The following HSF2BP variants were observed in gnomAD, a reference collection of about 807,000 sequenced individuals.
HSF2BP encodes the protein heat shock factor 2-binding protein.
HSF2BP carries 35 observed loss-of-function variants against 35.0 expected under a neutral mutation model. That is an observed-to-expected ratio of 1.00 (90% CI 0.76 to 1.32). The LOEUF (loss-of-function observed/expected upper bound fraction) is 1.32. Among genes scored for constraint, HSF2BP ranks in the 40% most tolerant of loss-of-function variants. HSF2BP has a pLI of 0.00. For synonymous variants in HSF2BP, 114 were observed against 117.4 expected (o/e 0.97, Z 0.18); for missense variants, 326 against 321.7 (o/e 1.01, Z -0.10).
In HSF2BP at chr21:43,619,530, ACT is replaced by A. The variant is rs1278482748; in HGVS notation, c.575-5585_575-5584del. Among the ~76,000 whole-genome samples, 4 of 152,122 alleles carry A rather than the reference ACT, an allele frequency of 2.6e-5. No individual in the cohort carries two copies. In the East Asian group the frequency reaches 5.8e-4, roughly 22 times the overall value. On this transcript the variant is annotated intron_variant, in intron 6 of 8. Coordinates refer to ENST00000291560, the MANE Select transcript of HSF2BP (RefSeq NM_007031.2). ...CTCACGGCAACAGACAAGTGAAAAA[ACT>A]CTGAACAGACAGTAAGACAACTGGA... is the stretch of plus-strand genomic sequence containing the variant.
chr21:43,579,822 C>G (rs2081699872), intron 8 of HSF2BP, among the ~76,000 whole-genome samples: 1 of 152,234 alleles, frequency 6.6e-6, no homozygotes, highest in Non-Finnish European at 1.5e-5. Context: ...TTCTGTCCCT[C>G]TTTTTAAAAT....
At chr21:43,595,153 T>C (rs753698464) in intron 7 of HSF2BP, among the ~76,000 whole-genome samples, 4 of 152,018 alleles carry the variant, frequency 2.6e-5, no homozygotes, top group Non-Finnish European at 4.4e-5. Context: ...TCCCAACTAC[T>C]AGAGAGGCTG....
At chr21:43,606,155 T>A (rs567185353) in intron 7 of HSF2BP, among the ~76,000 whole-genome samples, 1 of 152,014 alleles carries the variant, frequency 6.6e-6, no homozygotes, top group Middle Eastern at 3.4e-3. Flanking sequence ...GCCGTGAGGA[T>A]CACACCCGAG....
intron 8 of HSF2BP, among the ~76,000 whole-genome samples, chr21:43,577,391 A>G (rs1019606879): frequency 5.3e-5 from 8 of 152,232 alleles, no homozygotes; most frequent in Non-Finnish European, 1.0e-4. Flanking sequence ...TACTTCAGCT[A>G]AAAGTACAAA....
intron 8 of HSF2BP, among the ~76,000 whole-genome samples, chr21:43,573,099 A>C (rs1341437774): frequency 5.3e-5 from 8 of 152,214 alleles, no homozygotes; most frequent in African/African-American, 1.9e-4. Context: ...GTGTGTCCCC[A>C]GCTGTCCGCT....
At chr21:43,579,050 C>T (rs1182644434) in intron 8 of HSF2BP, among the ~76,000 whole-genome samples, 1 of 152,210 alleles carries the variant, frequency 6.6e-6, no homozygotes, top group East Asian at 1.9e-4. Context: ...AAATATTTGA[C>T]AAATGCTAAC....
chr21:43,592,405 A>G, intron 7 of HSF2BP, 77 bp from the exon 8 acceptor site: 1 of 909,008 alleles, frequency 1.1e-6, no homozygotes, highest in Non-Finnish European at 1.8e-6. Context: ...ACTAGTTAAG[A>G]GGAACTTAAC....
At chr21:43,586,763 C>T (rs903704085) in intron 8 of HSF2BP, among the ~76,000 whole-genome samples, 2 of 151,720 alleles carry the variant, frequency 1.3e-5, no homozygotes, top group African/African-American at 4.8e-5. Flanking sequence ...AAAGTAGGAA[C>T]TGATTACTGA....
intron 2 of HSF2BP, 70 bp downstream of exon 2, chr21:43,657,991 G>A (rs959278785): frequency 2.6e-6 from 4 of 1,531,710 alleles, no homozygotes; most frequent in Non-Finnish European, 3.5e-6. Context: ...AGCGCACGGG[G>A]CGAGGCCCTG....
At chr21:43,624,312 AC>A (rs999852965) in intron 6 of HSF2BP, among the ~76,000 whole-genome samples, 13 of 152,212 alleles carry the variant, frequency 8.5e-5, no homozygotes. Context: ...CAAAACTGGC[AC>A]CTTATTCTTC....
Position 43,656,571 on chromosome 21 carries a change from G to A in HSF2BP, c.187+16C>T, listed in dbSNP as rs1601739519. On this transcript the variant is annotated intron_variant, in intron 3 of 8. Coordinates refer to ENST00000291560, the MANE Select transcript of HSF2BP (RefSeq NM_007031.2). Reference sequence around the variant, plus strand: ...ATTACTGTTACCACCAATGACTGCTGAAAATGAAGACTCACTTTTTTCTAC... The same window carrying A: ...ATTACTGTTACCACCAATGACTGCTAAAAATGAAGACTCACTTTTTTCTAC... 6.2e-7 allele frequency: 1 copy of A among 1,603,028 alleles called. No individual in the cohort carries two copies.
intron 4 of HSF2BP, among the ~76,000 whole-genome samples, chr21:43,634,107 C>T (rs1224579477): frequency 1.3e-5 from 2 of 152,150 alleles, no homozygotes; most frequent in Non-Finnish European, 2.9e-5. Context: ...TATTCATGCC[C>T]TGGTGCAGCA....
chr21:43,655,103 T>C (rs1172319326), intron 3 of HSF2BP, among the ~76,000 whole-genome samples: 2 of 152,226 alleles, frequency 1.3e-5, no homozygotes, highest in Non-Finnish European at 2.9e-5. Flanking sequence ...TCATGTTAAC[T>C]AACTCATGAG....
intron 8 of HSF2BP, among the ~76,000 whole-genome samples, chr21:43,585,749 C>T (rs777459280): frequency 4.0e-5 from 6 of 151,756 alleles, no homozygotes; most frequent in Admixed American, 6.6e-5. Flanking sequence ...TGAATGAGGG[C>T]GTAAGAGATT....
chr21:43,580,296 A>G (rs1465360634), intron 8 of HSF2BP, among the ~76,000 whole-genome samples: 1 of 152,080 alleles, frequency 6.6e-6, no homozygotes, highest in East Asian at 1.9e-4. Flanking sequence ...CCCTTTCTCA[A>G]TGTGCCTATG....
intron 7 of HSF2BP, among the ~76,000 whole-genome samples, chr21:43,600,591 A>C (rs1432004367): frequency 6.6e-6 from 1 of 152,224 alleles, no homozygotes; most frequent in African/African-American, 2.4e-5. Flanking sequence ...ATGACTTAAC[A>C]GACTTTAGAT....
intron 7 of HSF2BP, among the ~76,000 whole-genome samples, chr21:43,603,813 G>C (rs954195818): frequency 1.3e-5 from 2 of 152,146 alleles, no homozygotes; most frequent in Admixed American, 6.5e-5. Context: ...CCATATGGCT[G>C]GGGAGGCTAT....
In HSF2BP at chr21:43,577,640, C is replaced by T. The variant is rs187097661; in HGVS notation, c.796+14585G>A. 1.6e-4 allele frequency among the ~76,000 whole-genome samples: 25 copies of T among 152,306 alleles called. No homozygotes were observed. The East Asian group carries it at 4.8e-3, about 29-fold the overall frequency. On this transcript the variant is annotated intron_variant, in intron 8 of 8. Coordinates refer to ENST00000291560, the MANE Select transcript of HSF2BP (RefSeq NM_007031.2). ...GATGTAGCTACTCAGGTCATGTGCCCACCTCTGGACTGTCAGGCCTCTGAG... is the reference window on the plus strand; with the variant it reads ...GATGTAGCTACTCAGGTCATGTGCCTACCTCTGGACTGTCAGGCCTCTGAG...
intron 7 of HSF2BP, among the ~76,000 whole-genome samples, chr21:43,605,288 C>T (rs2082118676): frequency 1.3e-5 from 2 of 148,976 alleles, no homozygotes; most frequent in African/African-American, 5.0e-5. Context: ...ACACACATCA[C>T]ACCCCACACA....
Sources: gnomAD v4.1 joint callset for allele counts (sites outside exome capture counted in the v4.1 genomes callset) on GRCh38, gnomAD v4.1.1 for gene constraint, MANE v1.5 for transcripts, NCBI Gene and HGNC (gene_info 2026-07-23, HGNC 2026-07-21) for gene names.